HTR2A: variants seen among roughly 807,000 people sequenced by gnomAD.
HTR2A encodes 5-hydroxytryptamine receptor 2A.
A neutral mutation model predicts 31.0 loss-of-function variants in HTR2A; 14 were observed. The observed-to-expected ratio is 0.45, with a 90% CI of 0.30 to 0.71. The LOEUF (loss-of-function observed/expected upper bound fraction) is 0.71, where lower values mean the gene tolerates loss of function less well. Ranked by LOEUF, HTR2A falls within the 30% of genes least tolerant of loss-of-function variation. The pLI, the probability that HTR2A is intolerant of heterozygous loss-of-function variation, is 0.09. For synonymous variants in HTR2A, 209 were observed against 225.2 expected, an observed-to-expected ratio of 0.93 and a Z score of 0.64; for missense variants, 442 against 573.3, an observed-to-expected ratio of 0.77 and a Z score of 2.34.
At chr13:46,850,248 G>A (rs1306649581) in intron 3 of HTR2A, among the ~76,000 whole-genome samples, 1 of 152,188 alleles carries the variant, frequency 6.6e-6, no homozygotes, top group Non-Finnish European at 1.5e-5. Flanking sequence ...GGTGGTGGTA[G>A]TAAATAATAA....
At chr13:46,880,236 T>C (rs1422085813) in intron 3 of HTR2A, among the ~76,000 whole-genome samples, 1 of 152,140 alleles carries the variant, frequency 6.6e-6, no homozygotes, top group African/African-American at 2.4e-5. Context: ...ACACAGAGGA[T>C]GCTGGTGACA....
intron 3 of HTR2A, among the ~76,000 whole-genome samples, chr13:46,856,850 G>A (rs771201714): frequency 7.2e-5 from 11 of 152,146 alleles, no homozygotes; most frequent in East Asian, 1.9e-4. Flanking sequence ...GCAGGGGCAC[G>A]ATAACAGTCC....
At chr13:46,884,457 C>G (rs2760349) in intron 3 of HTR2A, among the ~76,000 whole-genome samples, 120,109 of 152,166 alleles carry the variant, frequency 0.79, 47,772 homozygotes, top group African/African-American at 0.89. Context: ...GAGGTCAGGA[C>G]ATCAAGACCA....
intron 3 of HTR2A, among the ~76,000 whole-genome samples, chr13:46,884,663 CAA>C (rs1444468817): frequency 3.3e-5 from 5 of 152,190 alleles, no homozygotes; most frequent in African/African-American, 1.2e-4. Context: ...GACTCTGTCT[CAA>C]GATAAAAACA....
Position 46,892,323 on chromosome 13 carries a change from G to C in HTR2A, c.613+67C>G, listed in dbSNP as rs568609458. ...TGTCAGGTTTCAGTACAACAAAATG[G>C]AACAAGTCTTTTCAGAAAGCACGAA... On this transcript the variant is annotated intron_variant, in intron 3 of 3. Coordinates refer to ENST00000542664, the MANE Select transcript of HTR2A (RefSeq NM_000621.5). 1,680 of 1,464,928 alleles carry C rather than the reference G, an allele frequency of 1.1e-3. 30 individuals carry two copies. The South Asian group carries it at 0.018, about 16-fold the overall frequency. The allele number at this position is 1,464,928 out of a possible 1,614,324, so 90.7% of individuals were successfully genotyped here. A position where few individuals can be genotyped will look rare whatever the true frequency, so the allele number is the denominator to read the frequency against.
At chr13:46,864,893 C>G (rs1475369341) in intron 3 of HTR2A, among the ~76,000 whole-genome samples, 1 of 152,076 alleles carries the variant, frequency 6.6e-6, no homozygotes, top group Non-Finnish European at 1.5e-5. Context: ...TCTAGTTTAG[C>G]GTTTATTCAA....
chr13:46,875,691 G>T (rs974362708), intron 3 of HTR2A, among the ~76,000 whole-genome samples: 1 of 152,096 alleles, frequency 6.6e-6, no homozygotes, highest in Non-Finnish European at 1.5e-5. Context: ...TCATAAAATG[G>T]ATGAAAATGT....
intron 3 of HTR2A, among the ~76,000 whole-genome samples, chr13:46,881,724 G>A (rs1014544246): frequency 5.9e-5 from 9 of 152,260 alleles, no homozygotes; most frequent in East Asian, 1.9e-4. Context: ...ACTAATAGCC[G>A]TATAAAGGAG....
intron 3 of HTR2A, among the ~76,000 whole-genome samples, chr13:46,843,170 C>G: frequency 6.6e-6 from 1 of 152,122 alleles, no homozygotes; most frequent in Non-Finnish European, 1.5e-5. Context: ...TTATTTTACC[C>G]AAGAATGGCC....
chr13:46,851,853 T>C (rs1950686959), intron 3 of HTR2A, among the ~76,000 whole-genome samples: 1 of 152,226 alleles, frequency 6.6e-6, no homozygotes, highest in Non-Finnish European at 1.5e-5. Context: ...GCTGTGAATA[T>C]GTTGTGTTAT....
intron 3 of HTR2A, among the ~76,000 whole-genome samples, chr13:46,843,578 A>G (rs1950616883): frequency 6.6e-6 from 1 of 152,140 alleles, no homozygotes; most frequent in Non-Finnish European, 1.5e-5. Flanking sequence ...GACATACAAG[A>G]TTGCTCAGGG....
At chr13:46,860,697 T>C (rs1950772545) in intron 3 of HTR2A, among the ~76,000 whole-genome samples, 1 of 152,236 alleles carries the variant, frequency 6.6e-6, no homozygotes, top group Non-Finnish European at 1.5e-5. Context: ...ATGAATATTA[T>C]TGCAGTTACC....
chr13:46,841,128 C>A (rs753109520), intron 3 of HTR2A, among the ~76,000 whole-genome samples: 1 of 152,118 alleles, frequency 6.6e-6, no homozygotes, highest in Admixed American at 6.6e-5. Context: ...CTGGCATGAT[C>A]GTAAGTTTCC....
intron 3 of HTR2A, among the ~76,000 whole-genome samples, chr13:46,858,534 T>G (rs1950756550): frequency 6.6e-6 from 1 of 152,170 alleles, no homozygotes. Context: ...TAATATAATA[T>G]TTTAGACAGG....
At chr13:46,876,903 G>A (rs181175081) in intron 3 of HTR2A, among the ~76,000 whole-genome samples, 37 of 152,162 alleles carry the variant, frequency 2.4e-4, no homozygotes, top group Admixed American at 2.3e-3. Context: ...TTATCAGGAA[G>A]GTGTGTCCCT....
At chr13:46,871,401 A>C (rs565437635) in intron 3 of HTR2A, among the ~76,000 whole-genome samples, 1 of 152,326 alleles carries the variant, frequency 6.6e-6, no homozygotes, top group East Asian at 1.9e-4. Context: ...CTTTTGGTCC[A>C]TCAGTTCTCT....
At chr13:46,879,336 T>A (rs1593441041) in intron 3 of HTR2A, among the ~76,000 whole-genome samples, 1 of 152,216 alleles carries the variant, frequency 6.6e-6, no homozygotes, top group East Asian at 1.9e-4. Context: ...GAATGAATTG[T>A]TGAAATAGAA....
intron 3 of HTR2A, among the ~76,000 whole-genome samples, chr13:46,859,690 A>G (rs112193154): frequency 0.041 from 6,287 of 152,206 alleles, 177 homozygotes; most frequent in Non-Finnish European, 0.063. Flanking sequence ...GCCATGATTG[A>G]AAGTTTCCCG....
chr13:46,863,614 G>A (rs1158589640), intron 3 of HTR2A, among the ~76,000 whole-genome samples: 3 of 116,148 alleles, frequency 2.6e-5, no homozygotes, highest in African/African-American at 6.7e-5. Flanking sequence ...GCACCAGAGT[G>A]AGACTCCCTC....
Sources: allele counts gnomAD v4.1 joint callset (sites outside exome capture counted in the v4.1 genomes callset), GRCh38; gene constraint gnomAD v4.1.1; transcripts MANE v1.5; gene names NCBI Gene and HGNC (gene_info 2026-07-23, HGNC 2026-07-21).